Variants in COL14A1 observed in about 807,000 individuals in gnomAD.
COL14A1 encodes collagen type XIV alpha 1 chain.
In COL14A1, 136 loss-of-function variants were observed where a neutral mutation model predicts 230.3. The observed-to-expected ratio is 0.59, with a 90% CI of 0.51 to 0.68. The LOEUF is 0.68. Among genes scored for constraint, COL14A1 ranks in the 30% least tolerant of loss-of-function variants. COL14A1 has a pLI of 0.00. For missense variants in COL14A1, 1,976 were observed against 2,215.8 expected, an observed-to-expected ratio of 0.89 and a Z score of 2.17; for synonymous variants, 792 against 784.1, an observed-to-expected ratio of 1.01 and a Z score of -0.17.
Position 120,270,166 on chromosome 8 carries a change from G to A in COL14A1, c.3205G>A (p.Gly1069Arg). Residue 1069 changes from glycine (G) to arginine (R), a missense_variant, in exon 26 of 48, where the codon GGA (glycine) becomes AGA (arginine). By Grantham distance (125) the Gly-to-Arg change is moderately radical. Transcript: ENST00000297848. ...AGCCCTGAACAAGATTGGCACAGAT[G>A]GAACCCAAGTAAGGCTAATAAATAA... ...VGALNKIGTD[G>R]TQVAMVQFTD... 1 of 1,609,730 alleles carries A rather than the reference G, an allele frequency of 6.2e-7. No homozygotes were observed. Among genetic ancestry groups the A allele is most frequent in the Non-Finnish European group, 8.5e-7 (1 of 1,177,548 alleles).
chr8:120,167,548 T>C (rs189489780), intron 4 of COL14A1, among the ~76,000 whole-genome samples: 52 of 152,366 alleles, frequency 3.4e-4, no homozygotes, highest in Admixed American at 2.7e-3. Context: ...TAGGTTGATA[T>C]GAATTTATTA....
chr8:120,270,405 A>G (rs1450329175), intron 26 of COL14A1, among the ~76,000 whole-genome samples: 1 of 151,694 alleles, frequency 6.6e-6, no homozygotes, highest in African/African-American at 2.4e-5. Context: ...AACAAGGTAG[A>G]AAGTCCATGT....
chr8:120,250,562 G>A (rs920422769), intron 21 of COL14A1, 55 bp from the exon 22 acceptor site: 37 of 1,570,046 alleles, frequency 2.4e-5, no homozygotes, highest in Non-Finnish European at 2.0e-5. Flanking sequence ...ATCTAAGAGT[G>A]CTTCTATTTT....
intron 38 of COL14A1, among the ~76,000 whole-genome samples, chr8:120,314,281 A>G (rs1333491758): frequency 6.6e-6 from 1 of 152,248 alleles, no homozygotes; most frequent in Non-Finnish European, 1.5e-5. Flanking sequence ...GAGGAAGAAC[A>G]AAGCTTAGCA....
At chr8:120,297,119 T>C (rs1002086677) in intron 34 of COL14A1, among the ~76,000 whole-genome samples, 2 of 151,990 alleles carry the variant, frequency 1.3e-5, no homozygotes, top group African/African-American at 4.8e-5. Flanking sequence ...ATGAGTTTGG[T>C]AATGTAAATA....
In COL14A1 at chr8:120,212,535, G is replaced by C; in HGVS notation, c.1555G>C (p.Gly519Arg). Reference sequence around the variant, plus strand: ...CACAGTCACAGTTTATGCCATGTTTGGAGAAGAGGCCAGTGATCCTGTTAC... The same window carrying C: ...CACAGTCACAGTTTATGCCATGTTTCGAGAAGAGGCCAGTGATCCTGTTAC... ...EYTVTVYAMF[G>R]EEASDPVTGQ... Residue 519 changes from glycine (G) to arginine (R), a missense_variant, in exon 13 of 48, where the codon GGA becomes CGA. Around this residue, in one of 3 missense-constraint regions of COL14A1, gnomAD observed 1,791 missense variants for 2,019.5 expected, o/e 0.89. Transcript: ENST00000297848. 6.2e-7 allele frequency: 1 copy of C among 1,613,668 alleles called. No individual in the cohort carries two copies. The highest frequency in any genetic ancestry group is 8.5e-7 in the Non-Finnish European group (1 of 1,179,702).
intron 26 of COL14A1, among the ~76,000 whole-genome samples, chr8:120,271,539 T>G (rs994795300): frequency 6.6e-6 from 1 of 151,664 alleles, no homozygotes; most frequent in Admixed American, 6.6e-5. Context: ...TTAAATTGTA[T>G]GGTAAGCAAA....
At chr8:120,229,051 G>A (rs1157744670) in intron 18 of COL14A1, among the ~76,000 whole-genome samples, 2 of 150,408 alleles carry the variant, frequency 1.3e-5, no homozygotes, top group African/African-American at 4.9e-5. Flanking sequence ...TAACGTAGCT[G>A]CCTCCCCAGG....
chr8:120,200,722 T>C (rs1817214188), intron 8 of COL14A1, among the ~76,000 whole-genome samples: 1 of 11,244 alleles, frequency 8.9e-5, no homozygotes, highest in Non-Finnish European at 1.5e-4. Flanking sequence ...TATTTATATA[T>C]ATATATATAT....
chr8:120,220,679 A>G (rs1817905091), intron 14 of COL14A1, among the ~76,000 whole-genome samples: 1 of 152,080 alleles, frequency 6.6e-6, no homozygotes, highest in Non-Finnish European at 1.5e-5. Flanking sequence ...TCTTTTCTGC[A>G]TTACCCCTCT....
At chr8:120,130,571 T>C (rs112419780) in intron 1 of COL14A1, among the ~76,000 whole-genome samples, 3,622 of 152,230 alleles carry the variant, frequency 0.024, 58 homozygotes, top group African/African-American at 0.036. Flanking sequence ...TTTTGTCTTT[T>C]AAAAAGCAAA....
intron 45 of COL14A1, among the ~76,000 whole-genome samples, chr8:120,356,297 T>C (rs190826488): frequency 6.6e-6 from 1 of 152,360 alleles, no homozygotes; most frequent in Non-Finnish European, 1.5e-5. Flanking sequence ...AAACTGAGGC[T>C]CTGCTAGATT....
At chr8:120,272,753 C>T (rs540018286) in intron 26 of COL14A1, among the ~76,000 whole-genome samples, 7 of 151,262 alleles carry the variant, frequency 4.6e-5, no homozygotes, top group South Asian at 4.2e-4. Flanking sequence ...ATATTACAAT[C>T]CTACATTTAT....
chr8:120,173,785 G>A (rs944309650), intron 5 of COL14A1, among the ~76,000 whole-genome samples: 5 of 151,940 alleles, frequency 3.3e-5, no homozygotes, highest in African/African-American at 1.2e-4. Context: ...CCTCTTTCAA[G>A]AGAGTGAGAA....
intron 47 of COL14A1, among the ~76,000 whole-genome samples, chr8:120,369,867 A>T (rs948856951): frequency 6.6e-6 from 1 of 152,054 alleles, no homozygotes; most frequent in African/African-American, 2.4e-5. Flanking sequence ...ATAAAATTTT[A>T]CTCTTGGTTT....
intron 47 of COL14A1, 104 bp downstream of exon 47, chr8:120,369,589 G>A: frequency 8.7e-7 from 1 of 1,154,666 alleles, no homozygotes; most frequent in Middle Eastern, 2.1e-4. Context: ...AATTGGTTAT[G>A]AATGGGAAGC....
intron 35 of COL14A1, 95 bp downstream of exon 35, chr8:120,297,683 C>A: frequency 1.7e-6 from 1 of 589,276 alleles, no homozygotes; most frequent in Non-Finnish European, 2.7e-6. Context: ...TCATAGGCAA[C>A]TCGTTGAGAT....
intron 5 of COL14A1, among the ~76,000 whole-genome samples, chr8:120,175,091 T>A (rs569991966): frequency 6.6e-6 from 1 of 152,358 alleles, no homozygotes; most frequent in African/African-American, 2.4e-5. Context: ...ATACATATTT[T>A]ACAATTTTAG....
intron 23 of COL14A1, among the ~76,000 whole-genome samples, chr8:120,255,842 T>C (rs187070320): frequency 2.0e-5 from 3 of 152,156 alleles, no homozygotes; most frequent in Admixed American, 2.0e-4. Flanking sequence ...AGAGATTTAA[T>C]GTATCTACAG....
Sources: gnomAD v4.1 joint callset for allele counts (sites outside exome capture counted in the v4.1 genomes callset) on GRCh38, gnomAD v4.1.1 for gene constraint, gnomAD v4.1.1 regional missense constraint, MANE v1.5 for transcripts, NCBI Gene and HGNC (gene_info 2026-07-23, HGNC 2026-07-21) for gene names.